NKAIN2: variants seen among roughly 807,000 people sequenced by gnomAD.
NKAIN2 encodes sodium/potassium-transporting ATPase subunit beta-1-interacting protein 2.
NKAIN2 carries 14 observed loss-of-function variants against 32.6 expected under a neutral mutation model. The ratio of observed to expected loss-of-function variants is 0.43; its 90% confidence interval spans 0.28 to 0.67. NKAIN2 has a LOEUF of 0.67. Ranked by LOEUF, NKAIN2 falls within the 30% of genes least tolerant of loss-of-function variation. The pLI, the probability that NKAIN2 is intolerant of heterozygous loss-of-function variation, is 0.17. For missense variants in NKAIN2, 198 were observed against 258.3 expected, an observed-to-expected ratio of 0.77 and a Z score of 1.60; for synonymous variants, 80 against 87.2, an observed-to-expected ratio of 0.92 and a Z score of 0.46.
At chr6:124,592,138 T>C (rs1271017731) in intron 3 of NKAIN2, among the ~76,000 whole-genome samples, 2 of 152,204 alleles carry the variant, frequency 1.3e-5, no homozygotes, top group African/African-American at 4.8e-5. Flanking sequence ...GCCATTCTAA[T>C]GAGGATGTCC....
intron 3 of NKAIN2, among the ~76,000 whole-genome samples, chr6:124,560,344 G>A (rs1324189739): frequency 6.6e-6 from 1 of 152,124 alleles, no homozygotes; most frequent in Admixed American, 6.5e-5. Context: ...TTCCCCTTCT[G>A]CCATGATTGT....
intron 1 of NKAIN2, among the ~76,000 whole-genome samples, chr6:123,971,614 C>T (rs1225425092): frequency 6.6e-6 from 1 of 152,052 alleles, no homozygotes; most frequent in Non-Finnish European, 1.5e-5. Flanking sequence ...AAAGTTATCT[C>T]CCTTAGGAAA....
intron 4 of NKAIN2, among the ~76,000 whole-genome samples, chr6:124,681,740 T>C (rs1773630177): frequency 6.6e-6 from 1 of 152,076 alleles, no homozygotes; most frequent in African/African-American, 2.4e-5. Flanking sequence ...TTGGGAAATC[T>C]AAAATTGGAT....
chr6:124,424,868 T>A (rs1024568832), intron 3 of NKAIN2, among the ~76,000 whole-genome samples: 2 of 152,194 alleles, frequency 1.3e-5, no homozygotes, highest in African/African-American at 4.8e-5. Flanking sequence ...GCAATGAACA[T>A]GAGGATACAG....
intron 3 of NKAIN2, among the ~76,000 whole-genome samples, chr6:124,585,699 A>G (rs1781688162): frequency 6.6e-6 from 1 of 152,090 alleles, no homozygotes; most frequent in Non-Finnish European, 1.5e-5. Flanking sequence ...CAAAATTATT[A>G]ATCATTAGGG....
At chr6:123,959,312 T>C (rs1350236754) in intron 1 of NKAIN2, among the ~76,000 whole-genome samples, 1 of 152,152 alleles carries the variant, frequency 6.6e-6, no homozygotes, top group African/African-American at 2.4e-5. Flanking sequence ...CTCTTTGCCC[T>C]GTAGCACACA....
intron 3 of NKAIN2, among the ~76,000 whole-genome samples, chr6:124,638,008 T>C (rs2114340599): frequency 6.6e-6 from 1 of 152,208 alleles, no homozygotes; most frequent in East Asian, 1.9e-4. Context: ...TTAAAAAATA[T>C]ATATGCTACA....
At chr6:124,646,351 CAG>C (rs201146735) in intron 3 of NKAIN2, among the ~76,000 whole-genome samples, 2,185 of 151,860 alleles carry the variant, frequency 0.014, 27 homozygotes, top group Middle Eastern at 0.034. Context: ...AAGAAAATCT[CAG>C]AGAGTAAAGA....
At chr6:124,679,151 A>C (rs1020332144) in intron 4 of NKAIN2, among the ~76,000 whole-genome samples, 3 of 151,846 alleles carry the variant, frequency 2.0e-5, no homozygotes, top group Non-Finnish European at 2.9e-5. Context: ...GCCCACCCCC[A>C]AAAAATAATC....
At chr6:123,983,639 C>G (rs899431541) in intron 1 of NKAIN2, among the ~76,000 whole-genome samples, 1 of 152,124 alleles carries the variant, frequency 6.6e-6, no homozygotes, top group South Asian at 2.1e-4. Context: ...TATTTCCACA[C>G]TACCCCCCCA....
At chr6:124,702,476 C>A (rs538307800) in intron 4 of NKAIN2, among the ~76,000 whole-genome samples, 78 of 152,008 alleles carry the variant, frequency 5.1e-4, no homozygotes, top group Non-Finnish European at 1.0e-3. Flanking sequence ...CTTGCCAACA[C>A]GGTTTTCATT....
At chr6:124,696,293 C>A (rs1173615669) in intron 4 of NKAIN2, among the ~76,000 whole-genome samples, 1 of 152,120 alleles carries the variant, frequency 6.6e-6, no homozygotes, top group Non-Finnish European at 1.5e-5. Context: ...AAAGGAGAAG[C>A]TCAGAGAGAG....
At chr6:124,728,097 A>G (rs1018092392) in intron 4 of NKAIN2, among the ~76,000 whole-genome samples, 18 of 149,224 alleles carry the variant, frequency 1.2e-4, no homozygotes, top group South Asian at 8.8e-4. Flanking sequence ...AGACTCCCAC[A>G]CATTAATAAT....
At chr6:124,245,443 A>G (rs938820896) in intron 1 of NKAIN2, among the ~76,000 whole-genome samples, 2 of 152,080 alleles carry the variant, frequency 1.3e-5, no homozygotes, top group Non-Finnish European at 2.9e-5. Context: ...ATATATATTT[A>G]TGGTTTCATT....
chr6:124,743,250 T>C (rs1005227781), intron 4 of NKAIN2, among the ~76,000 whole-genome samples: 2 of 151,838 alleles, frequency 1.3e-5, no homozygotes, highest in African/African-American at 4.8e-5. Flanking sequence ...TGTCAGAAGA[T>C]TTTTATGAGA....
At chr6:124,424,487 A>T (rs1774897012) in intron 3 of NKAIN2, among the ~76,000 whole-genome samples, 1 of 152,136 alleles carries the variant, frequency 6.6e-6, no homozygotes, top group Non-Finnish European at 1.5e-5. Flanking sequence ...CATGCTGTAC[A>T]TTAGAACTCT....
chr6:124,622,371 C>T (rs1208196815), intron 3 of NKAIN2, among the ~76,000 whole-genome samples: 1 of 152,196 alleles, frequency 6.6e-6, no homozygotes, highest in Non-Finnish European at 1.5e-5. Flanking sequence ...CTTGCCTCAG[C>T]TGCTCAAACT....
At chr6:124,215,406 C>G (rs1248595557) in intron 1 of NKAIN2, among the ~76,000 whole-genome samples, 1 of 152,026 alleles carries the variant, frequency 6.6e-6, no homozygotes, top group Non-Finnish European at 1.5e-5. Context: ...GAAAAGGACT[C>G]TCCAATATGA....
At chr6:124,699,967 G>A (rs151021630) in intron 4 of NKAIN2, among the ~76,000 whole-genome samples, 25 of 152,206 alleles carry the variant, frequency 1.6e-4, no homozygotes, top group Non-Finnish European at 3.5e-4. Flanking sequence ...CAAACAAATG[G>A]GGGAACAATT....
Sources: gnomAD v4.1 joint callset for allele counts (sites outside exome capture counted in the v4.1 genomes callset) on GRCh38, gnomAD v4.1.1 for gene constraint, MANE v1.5 for transcripts, NCBI Gene and HGNC (gene_info 2026-07-23, HGNC 2026-07-21) for gene names.